Variants in ATOX1 observed in about 807,000 individuals in gnomAD.
ATOX1 encodes the protein antioxidant 1 copper chaperone.
In ATOX1, 4 loss-of-function variants were observed where a neutral mutation model predicts 7.3. The ratio of observed to expected loss-of-function variants is 0.55; its 90% CI spans 0.27 to 1.25. The LOEUF (loss-of-function observed/expected upper bound fraction) is 1.25, where lower values mean the gene tolerates loss of function less well. ATOX1 is among the 50% of genes most tolerant of loss of function. ATOX1 has a pLI of 0.12. For synonymous variants in ATOX1, 25 were observed against 28.7 expected (o/e 0.87, Z 0.41); for missense variants, 68 against 81.6 (o/e 0.83, Z 0.64).
At position 151,746,137 on chromosome 5, in the gene ATOX1, C is replaced by A. The variant is rs28917208; in HGVS notation, c.*46+142G>T. 3.1e-3 allele frequency: 2,081 copies of A among 665,376 alleles called. 40 individuals are homozygous for A. The African/African-American group carries it at 0.035, about 11-fold the overall frequency. The allele number at this position is 665,376 out of a possible 1,614,324, so 41.2% of individuals were successfully genotyped here. ...TAGACAATAATAAAATATTTGTAAC[C>A]ACTCCAAAGAAGGTGGACAGTGGAT... On this transcript the variant is annotated intron_variant, in intron 3 of 3. Transcript: ENST00000313115.
chr5:151,745,086 A>G (rs1761865243), intron 3 of ATOX1: 1 of 152,200 alleles, frequency 6.6e-6, no homozygotes, highest in Non-Finnish European at 1.5e-5. Flanking sequence ...CATGACGAAA[A>G]CAGATGCATC....
chr5:151,750,640 C>CTTTT (rs1561521875), intron 2 of ATOX1, among the ~76,000 whole-genome samples: 5 of 103,044 alleles, frequency 4.9e-5, no homozygotes, highest in Non-Finnish European at 1.0e-4. Context: ...TCCTTTTTTT[C>CTTTT]TTTCTTTTTT....
intron 1 of ATOX1, among the ~76,000 whole-genome samples, chr5:151,756,772 C>T (rs1428712372): frequency 6.6e-6 from 1 of 152,254 alleles, no homozygotes; most frequent in Admixed American, 6.5e-5. Context: ...CCATGCCCGG[C>T]CTCACCTGCC....
chr5:151,757,404 T>C (rs1762031612), intron 1 of ATOX1, among the ~76,000 whole-genome samples: 1 of 152,250 alleles, frequency 6.6e-6, no homozygotes, highest in Admixed American at 6.5e-5. Context: ...CTGGTAGGGC[T>C]GATTCTATCA....
chr5:151,751,844 G>C (rs1055245370), intron 1 of ATOX1, 65 bp from the exon 2 acceptor site: 2 of 1,502,460 alleles, frequency 1.3e-6, no homozygotes, highest in African/African-American at 2.8e-5. Flanking sequence ...AGTGCCAGCA[G>C]ACAGGCCCAC....
At chr5:151,758,111 T>G (rs984437154) in intron 1 of ATOX1, among the ~76,000 whole-genome samples, 2 of 149,050 alleles carry the variant, frequency 1.3e-5, no homozygotes, top group African/African-American at 4.9e-5. Flanking sequence ...GCCCGGTCCG[T>G]GAGGAAATAA....
intron 2 of ATOX1, among the ~76,000 whole-genome samples, chr5:151,750,502 T>C (rs182190943): frequency 8.1e-4 from 101 of 125,172 alleles, no homozygotes; most frequent in Non-Finnish European, 1.3e-3. Flanking sequence ...AGAGTGAGAC[T>C]TCATCTCAAA....
At chr5:151,749,213 C>T (rs917376649) in intron 2 of ATOX1, among the ~76,000 whole-genome samples, 13 of 151,926 alleles carry the variant, frequency 8.6e-5, no homozygotes, top group African/African-American at 2.7e-4. Flanking sequence ...AGGCTGGGCA[C>T]GGTGGCTCAC....
chr5:151,744,932 C>T (rs28917214), intron 3 of ATOX1: 1 of 152,198 alleles, frequency 6.6e-6, no homozygotes, highest in African/African-American at 2.4e-5. Flanking sequence ...CCCCATTTTA[C>T]CGATGGGAAG....
intron 1 of ATOX1, chr5:151,752,105 A>C (rs1761957807): frequency 1.6e-6 from 1 of 607,916 alleles, no homozygotes; most frequent in Non-Finnish European, 2.9e-6. Context: ...TTCTTGAGCT[A>C]TGAGCTTTGT....
rs188648574 is a variant in ATOX1 at position 151,749,519 on chromosome 5, C to T, written c.82+2185G>A. Among the ~76,000 whole-genome samples the T allele has an allele frequency of 1.2e-4, 18 of 150,450 alleles. No homozygotes were observed. The East Asian group carries it at 1.8e-3, about 15-fold the overall frequency. On this transcript the variant is annotated intron_variant, in intron 2 of 3. Coordinates refer to ENST00000313115, the MANE Select transcript of ATOX1 (RefSeq NM_004045.4). The stretch of plus-strand genomic sequence containing the variant: ...AAAAAAAATTAGCCAGGCGTGGTGG[C>T]GGGCACCTATAATCCCAGCTACTCG...
chr5:151,748,344 T>A (rs1761903299), intron 2 of ATOX1, among the ~76,000 whole-genome samples: 1 of 152,164 alleles, frequency 6.6e-6, no homozygotes, highest in South Asian at 2.1e-4. Context: ...CTACCTCATC[T>A]GTACATGAAG....
chr5:151,751,647 C>T, intron 2 of ATOX1, 57 bp downstream of exon 2: 1 of 1,537,674 alleles, frequency 6.5e-7, no homozygotes, highest in Non-Finnish European at 8.8e-7. Flanking sequence ...TCTCCTGCAA[C>T]ATCTGCATGC....
intron 2 of ATOX1, among the ~76,000 whole-genome samples, chr5:151,747,961 TA>T (rs1370436905): frequency 7.9e-5 from 12 of 152,326 alleles, no homozygotes; most frequent in African/African-American, 2.9e-4. Context: ...AATCCACTGT[TA>T]AAGGTCATTG....
chr5:151,751,993 C>T (rs1581557999), intron 1 of ATOX1: 3 of 601,016 alleles, frequency 5.0e-6, no homozygotes, highest in East Asian at 5.5e-5. Context: ...TCAATGGAAT[C>T]ATCCCTATAA....
intron 3 of ATOX1, chr5:151,743,815 C>G (rs911603197): frequency 6.6e-6 from 1 of 152,090 alleles, no homozygotes; most frequent in Non-Finnish European, 1.5e-5. Context: ...GCACTTTTAT[C>G]AAAAAATAAC....
chr5:151,744,875 T>C (rs1420020116), intron 3 of ATOX1: 1 of 152,214 alleles, frequency 6.6e-6, no homozygotes, highest in Non-Finnish European at 1.5e-5. Context: ...TGTGGAGAGA[T>C]TGCACAGCAG....
chr5:151,751,187 C>T (rs1761944057), intron 2 of ATOX1, among the ~76,000 whole-genome samples: 1 of 143,174 alleles, frequency 7.0e-6, no homozygotes, highest in African/African-American at 2.6e-5. Flanking sequence ...ACCTGGGAGG[C>T]GGAGGTTGCA....
chr5:151,747,067 C>T (rs975195875), intron 2 of ATOX1, among the ~76,000 whole-genome samples: 4 of 143,020 alleles, frequency 2.8e-5, no homozygotes, highest in African/African-American at 8.0e-5. Context: ...GTAATATAGA[C>T]ACTTTTTTTT....
Sources: gnomAD v4.1 joint callset for allele counts (sites outside exome capture counted in the v4.1 genomes callset) on GRCh38, gnomAD v4.1.1 for gene constraint, MANE v1.5 for transcripts, NCBI Gene and HGNC (gene_info 2026-07-23, HGNC 2026-07-21) for gene names.